Variants in CTNNA2 observed in about 807,000 individuals in gnomAD.
The protein encoded by CTNNA2 is catenin alpha 2, also known as catenin alpha-2.
CTNNA2 carries 42 observed loss-of-function variants against 101.0 expected under a neutral mutation model. The observed-to-expected ratio is 0.42, with a 90% CI of 0.32 to 0.54. The LOEUF is 0.54. Among genes scored for constraint, CTNNA2 ranks in the 20% least tolerant of loss-of-function variants. CTNNA2 has a pLI of 0.14. For missense variants in CTNNA2, 871 were observed against 1,223.1 expected, an observed-to-expected ratio of 0.71 and a Z score of 4.29; for synonymous variants, 450 against 456.4, an observed-to-expected ratio of 0.99 and a Z score of 0.18.
chr2:79,909,874 T>C, intron 7 of CTNNA2, 77 bp downstream of exon 7: 21 of 1,417,288 alleles, frequency 1.5e-5, no homozygotes, highest in Non-Finnish European at 1.9e-5. Flanking sequence ...GAAGCATAGA[T>C]AGCAGGAAAA....
chr2:80,239,924 C>CA (rs1709757549), intron 7 of CTNNA2, among the ~76,000 whole-genome samples: 2 of 149,130 alleles, frequency 1.3e-5, no homozygotes. Flanking sequence ...AAAAAAAAAA[C>CA]AAAAAACAAA....
intron 7 of CTNNA2, among the ~76,000 whole-genome samples, chr2:80,012,607 A>G (rs1160345519): frequency 6.6e-6 from 1 of 152,230 alleles, no homozygotes; most frequent in Non-Finnish European, 1.5e-5. Context: ...AGCCATAGAT[A>G]ATATGCAAAT....
At chr2:79,826,702 T>C (rs955476383) in intron 3 of CTNNA2, among the ~76,000 whole-genome samples, 1 of 152,236 alleles carries the variant, frequency 6.6e-6, no homozygotes, top group Non-Finnish European at 1.5e-5. Context: ...ATTTCTTCCA[T>C]TACCTTCAAC....
At chr2:79,639,580 C>T (rs992724092) in intron 1 of CTNNA2, among the ~76,000 whole-genome samples, 14 of 150,702 alleles carry the variant, frequency 9.3e-5, no homozygotes, top group South Asian at 2.1e-4. Context: ...GTTTTTTTTT[C>T]GTTTAAAATT....
chr2:80,169,416 A>G (rs2148959489), intron 7 of CTNNA2, among the ~76,000 whole-genome samples: 1 of 152,338 alleles, frequency 6.6e-6, no homozygotes, highest in Non-Finnish European at 1.5e-5. Context: ...GCTTTTACAA[A>G]GGTATACGTT....
chr2:79,969,942 A>G (rs1007300502), intron 7 of CTNNA2, among the ~76,000 whole-genome samples: 2 of 152,190 alleles, frequency 1.3e-5, no homozygotes, highest in Non-Finnish European at 2.9e-5. Context: ...GAGGAGGTGG[A>G]GGAGGTAGAA....
intron 7 of CTNNA2, among the ~76,000 whole-genome samples, chr2:80,024,497 A>G (rs1034157003): frequency 2.6e-5 from 4 of 152,158 alleles, no homozygotes; most frequent in Admixed American, 2.6e-4. Flanking sequence ...AGTTCCCTTG[A>G]CCCATCTGCA....
chr2:80,022,143 C>G (rs574029304), intron 7 of CTNNA2, among the ~76,000 whole-genome samples: 1 of 152,114 alleles, frequency 6.6e-6, no homozygotes, highest in African/African-American at 2.4e-5. Flanking sequence ...CTGACAGCAC[C>G]GGTCATTGAA....
chr2:79,647,451 C>A (rs1558800404), intron 1 of CTNNA2, among the ~76,000 whole-genome samples: 1 of 152,078 alleles, frequency 6.6e-6, no homozygotes, highest in African/African-American at 2.4e-5. Context: ...GAAACTGGGA[C>A]TCAGAAAGGG....
chr2:79,518,824 C>T (rs757332412), intron 1 of CTNNA2, among the ~76,000 whole-genome samples: 6 of 152,108 alleles, frequency 3.9e-5, no homozygotes, highest in African/African-American at 7.2e-5. Context: ...TAGAGTTTAC[C>T]ACTTCATTCT....
intron 7 of CTNNA2, among the ~76,000 whole-genome samples, chr2:79,995,360 T>C (rs578057067): frequency 6.6e-6 from 1 of 152,302 alleles, no homozygotes; most frequent in South Asian, 2.1e-4. Context: ...CTTTATTCAT[T>C]CCCTCCTAGG....
chr2:79,216,972 T>C (rs1186170343), intron 2 of CTNNA2, among the ~76,000 whole-genome samples: 1 of 152,178 alleles, frequency 6.6e-6, no homozygotes, highest in Non-Finnish European at 1.5e-5. Flanking sequence ...GCTGCCTTCC[T>C]GAGTCCATGA....
At chr2:79,474,972 A>AAG (rs1671035917) in intron 4 of CTNNA2, among the ~76,000 whole-genome samples, 1 of 152,166 alleles carries the variant, frequency 6.6e-6, no homozygotes, top group Non-Finnish European at 1.5e-5. Context: ...TGAGACAGGA[A>AAG]AGAAAACCCC....
intron 4 of CTNNA2, among the ~76,000 whole-genome samples, chr2:79,379,826 C>G (rs970800426): frequency 3.2e-4 from 49 of 152,012 alleles, no homozygotes; most frequent in African/African-American, 1.2e-3. Context: ...GCCTTTTGCC[C>G]TAGTTAACTT....
In CTNNA2 at chr2:79,921,184, A is replaced by G. The variant is rs867998817; in HGVS notation, c.1056+11387A>G. On this transcript the variant is annotated intron_variant, in intron 7 of 18. Coordinates refer to ENST00000402739, the MANE Select transcript of CTNNA2 (RefSeq NM_001282597.3). ...CCTGCTGAGGGGGTTTTGATCTCTA[A>G]ATTGAGCAAGTACCCCAGCTGATTC... Among the ~76,000 whole-genome samples, 5 of 152,258 alleles carry G rather than the reference A, an allele frequency of 3.3e-5. No individual in the cohort carries two copies. The South Asian group carries it at 1.0e-3, about 32-fold the overall frequency.
intron 4 of CTNNA2, among the ~76,000 whole-genome samples, chr2:79,501,112 T>A (rs1273106518): frequency 1.3e-5 from 2 of 152,198 alleles, no homozygotes; most frequent in Non-Finnish European, 1.5e-5. Flanking sequence ...TTTGTTTTTG[T>A]CTTGTTAATT....
At chr2:79,616,919 C>CT (rs1318819690) in intron 1 of CTNNA2, among the ~76,000 whole-genome samples, 29 of 139,636 alleles carry the variant, frequency 2.1e-4, no homozygotes, top group African/African-American at 8.8e-4. Flanking sequence ...CTTTTTTTTT[C>CT]GAGACACAGT....
At chr2:79,818,323 G>T (rs1337518362) in intron 3 of CTNNA2, among the ~76,000 whole-genome samples, 2 of 151,312 alleles carry the variant, frequency 1.3e-5, no homozygotes, top group Non-Finnish European at 2.9e-5. Flanking sequence ...TTTGTTTTTT[G>T]TTTTTTTGAG....
chr2:79,256,559 T>C (rs1211205378), intron 2 of CTNNA2, among the ~76,000 whole-genome samples: 1 of 152,208 alleles, frequency 6.6e-6, no homozygotes, highest in Middle Eastern at 3.2e-3. Context: ...CTATTTAATT[T>C]CAGCAGAGTA....
Sources: gnomAD v4.1 joint callset for allele counts (sites outside exome capture counted in the v4.1 genomes callset) on GRCh38, gnomAD v4.1.1 for gene constraint, MANE v1.5 for transcripts, NCBI Gene and HGNC (gene_info 2026-07-23, HGNC 2026-07-21) for gene names.